The following FAM83G variants were observed in gnomAD, a reference collection of about 807,000 sequenced individuals.
FAM83G encodes the protein scaffolding CK1 anchoring protein G, also known as protein FAM83G.
Under a neutral mutation model 61.5 loss-of-function variants are expected in FAM83G, and 38 were observed. The ratio of observed to expected loss-of-function variants is 0.62; its 90% CI spans 0.48 to 0.81. FAM83G has a LOEUF of 0.81. Among genes scored for constraint, FAM83G ranks in the 30% least tolerant of loss-of-function variants. FAM83G has a pLI of 0.00. For missense variants in FAM83G, 989 were observed against 1,133.6 expected, an observed-to-expected ratio of 0.87 and a Z score of 1.83; for synonymous variants, 470 against 476.1, an observed-to-expected ratio of 0.99 and a Z score of 0.17.
chr17:18,981,350 C>A (rs1201146478), intron 3 of FAM83G, among the ~76,000 whole-genome samples: 2 of 152,082 alleles, frequency 1.3e-5, no homozygotes, highest in Non-Finnish European at 2.9e-5. Context: ...GCCTGCAGAG[C>A]GAGCAGGGGC....
In FAM83G at chr17:18,969,003, C is replaced by T. The variant is rs1330166817; in HGVS notation, c.*2356G>A. ...CCGAGGTCACCCAGGGAGTGGCTTGCTGGAGCCCTGGGAATAACAGTCCCA... is the reference window on the plus strand; with the variant it reads ...CCGAGGTCACCCAGGGAGTGGCTTGTTGGAGCCCTGGGAATAACAGTCCCA... On this transcript the variant is annotated 3_prime_UTR_variant, in exon 6 of 6. Transcript: ENST00000388995. 5.8e-6 allele frequency: 9 copies of T among 1,555,370 alleles called. No homozygotes were observed. The highest frequency in any genetic ancestry group is 7.8e-6 in the Non-Finnish European group (9 of 1,150,218).
At chr17:18,991,968 G>A (rs369057226) in intron 2 of FAM83G, among the ~76,000 whole-genome samples, 1 of 152,132 alleles carries the variant, frequency 6.6e-6, no homozygotes, top group Non-Finnish European at 1.5e-5. Context: ...GCCATGCCTG[G>A]GGGGCAGAGG....
At chr17:18,983,927 C>A (rs1025156549) in intron 3 of FAM83G, among the ~76,000 whole-genome samples, 3 of 152,226 alleles carry the variant, frequency 2.0e-5, no homozygotes, top group African/African-American at 7.2e-5. Flanking sequence ...TGTGTGGGAC[C>A]TGTCCCCGGC....
At chr17:18,990,295 C>T (rs2043382634) in intron 2 of FAM83G, among the ~76,000 whole-genome samples, 1 of 152,182 alleles carries the variant, frequency 6.6e-6, no homozygotes, top group East Asian at 1.9e-4. Context: ...GCAGGCAGGT[C>T]ACCATGACCC....
chr17:18,997,650 G>A (rs898354879), intron 2 of FAM83G, among the ~76,000 whole-genome samples: 3 of 152,200 alleles, frequency 2.0e-5, no homozygotes, highest in Admixed American at 2.0e-4. Context: ...AGCACACCAG[G>A]GCAGGGCTGA....
In FAM83G at chr17:19,004,199, GGCGGGGAGGGCGGGCCGC is replaced by G; in HGVS notation, c.-128-48_-128-31del. 1.6e-6 allele frequency: 1 copy of G among 639,954 alleles called. No homozygotes were observed. Among genetic ancestry groups the G allele is most frequent in the Non-Finnish European group, 2.5e-6 (1 of 403,814 alleles). 39.6% of individuals were successfully genotyped at this position (639,954 alleles called of 1,614,324 possible). ...GGGAAAGACCTGATGAGCCCGGCTC[GGCGGGGAGGGCGGGCCGC>G]GCGGGGAGGGGCGGCGGGGGCGGGG... On this transcript the variant is annotated intron_variant, in intron 1 of 5. Coordinates refer to ENST00000388995, the MANE Select transcript of FAM83G (RefSeq NM_001039999.3). This position sits in a 1 kb window ranked among gnomAD's most constrained non-coding sequence, Gnocchi z 5.4.
chr17:18,971,082 T>C lies in FAM83G; in HGVS notation c.*277A>G, dbSNP rs558112163. The C allele has an allele frequency of 2.4e-5, 38 of 1,614,072 alleles. No individual in the cohort carries two copies. The highest frequency in any genetic ancestry group is 1.6e-4 in the Middle Eastern group (1 of 6,062). ...GCCCAGGCCATTCCCTCCAGGACCATTGCCAACACCACCTGCCACCTGCCA... is the reference window on the plus strand; with the variant it reads ...GCCCAGGCCATTCCCTCCAGGACCACTGCCAACACCACCTGCCACCTGCCA... On this transcript the variant is annotated 3_prime_UTR_variant, in exon 6 of 6. Coordinates refer to ENST00000388995, the MANE Select transcript of FAM83G (RefSeq NM_001039999.3). This position sits in a 1 kb window ranked among gnomAD's most constrained non-coding sequence, Gnocchi z 5.5.
intron 4 of FAM83G, 93 bp downstream of exon 4, chr17:18,979,456 G>C: frequency 6.8e-7 from 1 of 1,481,414 alleles, no homozygotes; most frequent in Non-Finnish European, 9.1e-7. Context: ...TGGGACCAAT[G>C]AACCGGAATA....
rs764315647 is a variant in FAM83G, at chr17:19,003,526, T to C, written c.516A>G (p.Ala172=). ...KEVVRKMISQ[A]QKVIAVVMDM... is the part of the protein sequence containing the mutation. ...AGTCCCCGCGCTGCCTCACCTTCTGTGCCTGGCTGATCATCTTCCGCACCA... is the reference window on the plus strand; with the variant it reads ...AGTCCCCGCGCTGCCTCACCTTCTGCGCCTGGCTGATCATCTTCCGCACCA... Residue 172 remains alanine (A), a synonymous_variant, in exon 2 of 6, where the codon GCA becomes GCG. Transcript: ENST00000388995. The surrounding 1 kb of genome is among the most constrained non-coding windows in gnomAD (Gnocchi z 4.5). The C allele has an allele frequency of 1.3e-6, 2 of 1,535,312 alleles. No individual in the cohort carries two copies. The highest frequency in any genetic ancestry group is 1.8e-6 in the Non-Finnish European group (2 of 1,140,186).
Position 19,003,635 on chromosome 17 carries a change from G to A in FAM83G, c.407C>T (p.Pro136Leu). Residue 136 changes from proline to leucine, a missense_variant, in exon 2 of 6, where the codon CCC (proline) becomes CTC (leucine). This residue lies in a region of FAM83G where 371 missense variants were observed against 404.5 expected (regional missense o/e 0.92). Transcript: ENST00000388995. This position sits in a 1 kb window ranked among gnomAD's most constrained non-coding sequence, Gnocchi z 4.5. ...RSIPQLDLGWPDTIAYRGVTR... is the reference protein window; with the variant it reads ...RSIPQLDLGWLDTIAYRGVTR... ...CACGCCGCGGTAGGCGATGGTGTCG[G>A]GCCAGCCCAGGTCCAGCTGCGGGAT... The A allele has an allele frequency of 6.2e-7, 1 of 1,612,432 alleles. No individual in the cohort carries two copies. Among genetic ancestry groups the A allele is most frequent in the Non-Finnish European group, 8.5e-7 (1 of 1,179,610 alleles).
chr17:18,978,281 C>T lies in FAM83G; in HGVS notation c.1385G>A (p.Trp462Ter). 6.2e-7 allele frequency: 1 copy of T among 1,610,394 alleles called. No individual in the cohort carries two copies. The highest frequency in any genetic ancestry group is 8.5e-7 in the Non-Finnish European group (1 of 1,178,092). ...GGGCCTGCTGTCCTGGCTCTGCTTCCACAGCTGGTGCTGGGCGCTGGCCTG... is the reference window on the plus strand; with the variant it reads ...GGGCCTGCTGTCCTGGCTCTGCTTCTACAGCTGGTGCTGGGCGCTGGCCTG... ...TSQASAQHQL[W>*]KQSQDSRPRP... The change falls in exon 5 of 6, where the codon TGG becomes TAG. Residue 462 changes from tryptophan to a stop codon, truncating the protein, a stop_gained. Transcript: ENST00000388995. LOFTEE classifies it high-confidence loss of function.
At position 18,977,672 on chromosome 17, in the gene FAM83G, C is replaced by T; in HGVS notation, c.1994G>A (p.Gly665Asp). The T allele has an allele frequency of 1.2e-6, 2 of 1,610,330 alleles. No individual in the cohort carries two copies. The highest frequency in any genetic ancestry group is 8.5e-7 in the Non-Finnish European group (1 of 1,179,896). The change falls in exon 5 of 6, where the codon GGC (glycine) becomes GAC (aspartate). Residue 665 changes from glycine to aspartate, a missense_variant. Gly to Asp is a moderately conservative substitution (Grantham distance 94, BLOSUM62 -1). Coordinates refer to ENST00000388995, the MANE Select transcript of FAM83G (RefSeq NM_001039999.3). The stretch of plus-strand genomic sequence containing the variant: ...TCCCCGACTCTGGGCCCATGGGGAG[C>T]CACCCTGGGGTCCAACAAAGGTCCC... ...TRGTFVGPQG[G>D]SPWAQSRGRE...
chr17:18,983,686 C>T (rs1326855668), intron 3 of FAM83G, among the ~76,000 whole-genome samples: 2 of 152,202 alleles, frequency 1.3e-5, no homozygotes, highest in Admixed American at 1.3e-4. Flanking sequence ...TCTACAGGGC[C>T]TGTCTCGCTC....
rs527822798 is a variant in FAM83G, at chr17:18,978,773, C to T, written c.893G>A (p.Arg298Gln). Residue 298 changes from arginine to glutamine, a missense_variant, in exon 5 of 6, where the codon CGG becomes CAG. Physicochemically the swap from Arg to Gln is conservative, Grantham distance 43. Around this residue, in one of 3 missense-constraint regions of FAM83G, gnomAD observed 44 missense variants for 83.9 expected, o/e 0.52. Coordinates refer to ENST00000388995, the MANE Select transcript of FAM83G (RefSeq NM_001039999.3). ...LSGQVVEMFD[R>Q]QFQELYLMSH... Reference sequence around the variant, plus strand: ...CATGAGGTACAGCTCCTGGAACTGCCGGTCAAACATCTCCACCACCTGGCC... The same window carrying T: ...CATGAGGTACAGCTCCTGGAACTGCTGGTCAAACATCTCCACCACCTGGCC... 7.4e-6 allele frequency: 12 copies of T among 1,612,954 alleles called. No homozygotes were observed. The highest frequency in any genetic ancestry group is 1.6e-4 in the Middle Eastern group (1 of 6,062).
At position 19,003,637 on chromosome 17, in the gene FAM83G, C is replaced by G. The variant is rs2152143098; in HGVS notation, c.405G>C (p.Trp135Cys). 6.2e-7 allele frequency: 1 copy of G among 1,612,360 alleles called. No individual in the cohort carries two copies. Among genetic ancestry groups the G allele is most frequent in the East Asian group, 2.2e-5 (1 of 44,860 alleles). The change falls in exon 2 of 6, where the codon TGG becomes TGC. Residue 135 changes from tryptophan (W) to cysteine (C), a missense_variant. Coordinates refer to ENST00000388995, the MANE Select transcript of FAM83G (RefSeq NM_001039999.3). The surrounding 1 kb of genome is among the most constrained non-coding windows in gnomAD (Gnocchi z 4.5). ...CGCCGCGGTAGGCGATGGTGTCGGG[C>G]CAGCCCAGGTCCAGCTGCGGGATGG... Reference protein sequence around the residue: ...DRSIPQLDLGWPDTIAYRGVT... With the variant: ...DRSIPQLDLGCPDTIAYRGVT...
rs1454859264 is a variant in FAM83G at position 18,988,337 on chromosome 17, T to C, written c.600A>G (p.Lys200=). 1 of 1,614,108 alleles carries C rather than the reference T, an allele frequency of 6.2e-7. No homozygotes were observed. Among genetic ancestry groups the C allele is most frequent in the African/African-American group, 1.3e-5 (1 of 74,954 alleles). ...KDLLDAGFKR[K]VAVYIIVDES... ...CATCCACGATGATGTACACGGCCAC[T>C]TTCCTCTTGAAGCCGGCGTCCAGCA... Residue 200 remains lysine, a synonymous_variant, in exon 3 of 6, where the codon AAA becomes AAG. Coordinates refer to ENST00000388995, the MANE Select transcript of FAM83G (RefSeq NM_001039999.3).
intron 5 of FAM83G, chr17:18,975,712 A>T (rs1448568907): frequency 1.3e-5 from 2 of 152,068 alleles, no homozygotes; most frequent in African/African-American, 4.8e-5. Flanking sequence ...AAAAAAAATC[A>T]TAGAGGCTTC....
In FAM83G at chr17:19,003,410, T is replaced by A. The variant is rs1482436012; in HGVS notation, c.522+110A>T. 3.4e-6 allele frequency: 4 copies of A among 1,180,576 alleles called. No homozygotes were observed. The highest frequency in any genetic ancestry group is 3.2e-5 in the African/African-American group (2 of 62,424). The allele number at this position is 1,180,576 out of a possible 1,614,324, so 73.1% of individuals were successfully genotyped here. Reference sequence around the variant, plus strand: ...AGGCAGCCAGGGAAAACAGCAGAGATCCCTAGAAGCCCATGTTGGGCTCCC... The same window carrying A: ...AGGCAGCCAGGGAAAACAGCAGAGAACCCTAGAAGCCCATGTTGGGCTCCC... On this transcript the variant is annotated intron_variant, in intron 2 of 5. Transcript: ENST00000388995. The surrounding 1 kb of genome is among the most constrained non-coding windows in gnomAD (Gnocchi z 4.5).
rs1302557375 is a variant in FAM83G, at chr17:18,988,241, G to A, written c.690+6C>T. 6.2e-7 allele frequency: 1 copy of A among 1,606,100 alleles called. No homozygotes were observed. Among genetic ancestry groups the A allele is most frequent in the South Asian group, 1.1e-5 (1 of 90,964 alleles). On this transcript the variant is annotated splice_donor_region_variant and intron_variant, in intron 3 of 5. Coordinates refer to ENST00000388995, the MANE Select transcript of FAM83G (RefSeq NM_001039999.3). ...AGCCACCCAGGCAAGTGAGGAGCCT[G>A]CTCACCTTGAGGTGCCCCAGGTGCA...
Sources: gnomAD v4.1 joint callset for allele counts (sites outside exome capture counted in the v4.1 genomes callset) on GRCh38, gnomAD v4.1.1 for gene constraint, gnomAD v4.1.1 regional missense constraint, Gnocchi (gnomAD v3.1) non-coding constraint, MANE v1.5 for transcripts, NCBI Gene and HGNC (gene_info 2026-07-23, HGNC 2026-07-21) for gene names.